The following SPTA1 variants were observed in gnomAD, a reference collection of about 807,000 sequenced individuals.
SPTA1 encodes the protein spectrin alpha, erythrocytic 1.
A neutral mutation model predicts 324.7 loss-of-function variants in SPTA1; 177 were observed. That is an observed-to-expected ratio of 0.55 (90% confidence interval 0.48 to 0.62). The LOEUF (loss-of-function observed/expected upper bound fraction) is 0.62. Among genes scored for constraint, SPTA1 ranks in the 20% least tolerant of loss-of-function variants. The probability of loss-of-function intolerance (pLI) is 0.00; values close to 1 mark genes in which losing one functional copy is unlikely to be tolerated. For missense variants in SPTA1, 3,162 were observed against 2,883.6 expected, an observed-to-expected ratio of 1.10 and a Z score of -2.21; for synonymous variants, 1,195 against 1,041.3, an observed-to-expected ratio of 1.15 and a Z score of -2.84.
rs751372432 is a variant in SPTA1, at chr1:158,647,645, T to C, written c.3790A>G (p.Lys1264Glu). The C allele has an allele frequency of 1.9e-6, 3 of 1,613,968 alleles. No homozygotes were observed. Among genetic ancestry groups the C allele is most frequent in the Non-Finnish European group, 2.5e-6 (3 of 1,179,938 alleles). The change falls in exon 27 of 52, where the codon AAA becomes GAA. Residue 1264 changes from lysine (K) to glutamate (E), a missense_variant. Physicochemically the swap from Lys to Glu is moderately conservative, Grantham distance 56. Coordinates refer to ENST00000643759, the MANE Select transcript of SPTA1 (RefSeq NM_003126.4). ...TCCCAGGCCTCATTCAGCTCCATTTTCTGTCTCTGCAGGTCCTCAGTGGCA... is the reference window on the plus strand; with the variant it reads ...TCCCAGGCCTCATTCAGCTCCATTTCCTGTCTCTGCAGGTCCTCAGTGGCA... ...PDATEDLQRQ[K>E]MELNEAWEDL...
intron 11 of SPTA1, 135 bp downstream of exon 11, chr1:158,671,924 T>C: frequency 2.6e-6 from 3 of 1,135,182 alleles, no homozygotes; most frequent in Middle Eastern, 2.5e-4. Flanking sequence ...TTTCTTTTTC[T>C]TGTGGATCAC....
In SPTA1 at chr1:158,656,590, G is replaced by T; in HGVS notation, c.2872C>A (p.Leu958Met). ...LNSFGDSMKA[L>M]RNQANACQQQ... ...TGGCAGGCGTTTGCCTGATTCCGCAGAGCTTTCATACTGTCTCCAAATGAA... is the reference window on the plus strand; with the variant it reads ...TGGCAGGCGTTTGCCTGATTCCGCATAGCTTTCATACTGTCTCCAAATGAA... The change falls in exon 20 of 52, where the codon CTG becomes ATG. Residue 958 changes from leucine (L) to methionine (M), a missense_variant. Coordinates refer to ENST00000643759, the MANE Select transcript of SPTA1 (RefSeq NM_003126.4). 6.2e-7 allele frequency: 1 copy of T among 1,613,914 alleles called. No homozygotes were observed.
chr1:158,657,798 T>A lies in SPTA1; in HGVS notation c.2588-104A>T, dbSNP rs1371272351. 5 of 1,191,172 alleles carry A rather than the reference T, an allele frequency of 4.2e-6. No individual in the cohort carries two copies. In the African/African-American group the frequency reaches 4.5e-5, roughly 11 times the overall value. The allele number at this position is 1,191,172 out of a possible 1,614,324, so 73.8% of individuals were successfully genotyped here. A position where few individuals can be genotyped will look rare whatever the true frequency, so the allele number is the denominator to read the frequency against. ...AAGAGAAAGGAAGTGATAAAAATGGTATGTTATTTAGTCGACGTTATATTT... is the reference window on the plus strand; with the variant it reads ...AAGAGAAAGGAAGTGATAAAAATGGAATGTTATTTAGTCGACGTTATATTT... On this transcript the variant is annotated intron_variant, in intron 18 of 51. Coordinates refer to ENST00000643759, the MANE Select transcript of SPTA1 (RefSeq NM_003126.4).
At chr1:158,614,897 A>G in intron 48 of SPTA1, 1 of 296,032 alleles carries the variant, frequency 3.4e-6, no homozygotes, top group Non-Finnish European at 6.3e-6. Flanking sequence ...TACATTTTAG[A>G]TAAAATTCTA....
chr1:158,659,294 T>C (rs984327317), intron 18 of SPTA1, among the ~76,000 whole-genome samples: 5 of 152,146 alleles, frequency 3.3e-5, no homozygotes, highest in Admixed American at 2.6e-4. Context: ...TAGACTATGA[T>C]AGATTAAAAA....
intron 25 of SPTA1, 26 bp downstream of exon 25, chr1:158,649,830 C>T: frequency 6.3e-7 from 1 of 1,590,252 alleles, no homozygotes; most frequent in Non-Finnish European, 8.6e-7. Context: ...TAAAGCAGCA[C>T]TGCTTTTTAG....
chr1:158,676,753 G>C (rs1192314207), intron 7 of SPTA1, among the ~76,000 whole-genome samples: 1 of 152,110 alleles, frequency 6.6e-6, no homozygotes, highest in African/African-American at 2.4e-5. Context: ...TTTCAGTAAT[G>C]CTGGATAATT....
chr1:158,620,003 T>G (rs1240408211), intron 44 of SPTA1, among the ~76,000 whole-genome samples, 167 bp downstream of exon 44: 1 of 152,218 alleles, frequency 6.6e-6, no homozygotes, highest in East Asian at 1.9e-4. Flanking sequence ...AGGGTATACC[T>G]ATGATAAACA....
chr1:158,623,991 T>C (rs1316741835), intron 42 of SPTA1, among the ~76,000 whole-genome samples: 1 of 152,236 alleles, frequency 6.6e-6, no homozygotes, highest in Non-Finnish European at 1.5e-5. Flanking sequence ...GATCATGGCT[T>C]CAGAGGGTGC....
In SPTA1 at chr1:158,647,661, C is replaced by G; in HGVS notation, c.3774G>C (p.Glu1258Asp). The change falls in exon 27 of 52, where the codon GAG (glutamate) becomes GAC (aspartate). Residue 1258 changes from glutamate to aspartate, a missense_variant. Transcript: ENST00000643759. ...GCTCCATTTTCTGTCTCTGCAGGTC[C>G]TCAGTGGCATCTGGATGGGACTCAC... ...RLSESHPDAT[E>D]DLQRQKMELN... 1 of 1,613,994 alleles carries G rather than the reference C, an allele frequency of 6.2e-7. No individual in the cohort carries two copies. Among genetic ancestry groups the G allele is most frequent in the Non-Finnish European group, 8.5e-7 (1 of 1,179,932 alleles).
Position 158,668,076 on chromosome 1 carries a change from A to G in SPTA1, c.1834-14T>C, listed in dbSNP as rs1176492143. On this transcript the variant is annotated splice_polypyrimidine_tract_variant and intron_variant, in intron 14 of 51. Transcript: ENST00000643759. Reference sequence around the variant, plus strand: ...GTTCTGTATGTCCTGAGATAAGATGAAAAAAAAAAAAAAAACCATTACCTG... The same window carrying G: ...GTTCTGTATGTCCTGAGATAAGATGGAAAAAAAAAAAAAAACCATTACCTG... 1.6e-4 allele frequency: 14 copies of G among 86,842 alleles called. No homozygotes were observed. The highest frequency in any genetic ancestry group is 7.0e-4 in the African/African-American group (1 of 1,438). The allele number at this position is 86,842 out of a possible 1,614,324, so 5.4% of individuals were successfully genotyped here. A position where few individuals can be genotyped will look rare whatever the true frequency, so the allele number is the denominator to read the frequency against.
intron 16 of SPTA1, among the ~76,000 whole-genome samples, chr1:158,663,410 G>T (rs1235870683): frequency 6.6e-6 from 1 of 152,088 alleles, no homozygotes; most frequent in Non-Finnish European, 1.5e-5. Context: ...GAGATGAAAC[G>T]TGATGTTATA....
intron 23 of SPTA1, among the ~76,000 whole-genome samples, 165 bp downstream of exon 23, chr1:158,652,302 T>A (rs866488520): frequency 2.0e-5 from 3 of 152,186 alleles, no homozygotes; most frequent in African/African-American, 4.8e-5. Context: ...TCCCTTCCAA[T>A]TATTAGCAAC....
chr1:158,660,190 TAA>T (rs1653116931), intron 18 of SPTA1, among the ~76,000 whole-genome samples: 1 of 152,176 alleles, frequency 6.6e-6, no homozygotes, highest in Admixed American at 6.5e-5. Context: ...ATGATTGCAC[TAA>T]GTGTAAATTG....
chr1:158,658,666 A>T (rs907422563), intron 18 of SPTA1, among the ~76,000 whole-genome samples: 1 of 152,190 alleles, frequency 6.6e-6, no homozygotes, highest in African/African-American at 2.4e-5. Flanking sequence ...AGCTGAATAA[A>T]CAAGGAAAAC....
intron 29 of SPTA1, 48 bp from the exon 30 acceptor site, chr1:158,644,444 G>A: frequency 3.7e-6 from 6 of 1,609,200 alleles, no homozygotes; most frequent in Non-Finnish European, 5.1e-6. Flanking sequence ...ATGTGGTGTG[G>A]AGGAAATGAT....
At chr1:158,646,281 A>C (rs1329858520) in intron 27 of SPTA1, among the ~76,000 whole-genome samples, 1 of 152,210 alleles carries the variant, frequency 6.6e-6, no homozygotes, top group African/African-American at 2.4e-5. Flanking sequence ...TAAATTAAGC[A>C]TCTCATAAAG....
intron 15 of SPTA1, 94 bp from the exon 16 acceptor site, chr1:158,666,591 T>A: frequency 9.2e-7 from 1 of 1,087,078 alleles, no homozygotes; most frequent in Non-Finnish European, 1.4e-6. Context: ...ATCAATATAG[T>A]ATTTTAATAT....
intron 14 of SPTA1, among the ~76,000 whole-genome samples, chr1:158,668,408 T>C (rs1360178516): frequency 6.6e-6 from 1 of 152,166 alleles, no homozygotes; most frequent in Non-Finnish European, 1.5e-5. Context: ...CTTCCATCCA[T>C]TTGACCCATA....
Sources: allele counts gnomAD v4.1 joint callset (sites outside exome capture counted in the v4.1 genomes callset), GRCh38; gene constraint gnomAD v4.1.1; transcripts MANE v1.5; gene names NCBI Gene and HGNC (gene_info 2026-07-23, HGNC 2026-07-21).